Variants in GABRG2 observed in about 807,000 individuals in gnomAD.
The protein encoded by GABRG2 is gamma-aminobutyric acid type A receptor subunit gamma2, also known as gamma-aminobutyric acid receptor subunit gamma-2.
In GABRG2, 16 loss-of-function variants were observed where a neutral mutation model predicts 56.4. The observed-to-expected ratio is 0.28, with a 90% CI of 0.19 to 0.43. GABRG2 has a LOEUF of 0.43. Among genes scored for constraint, GABRG2 ranks in the 20% least tolerant of loss-of-function variants. The pLI, the probability that GABRG2 is intolerant of heterozygous loss-of-function variation, is 1.00. For synonymous variants in GABRG2, 208 were observed against 205.5 expected (o/e 1.01, Z -0.10); for missense variants, 327 against 582.7 (o/e 0.56, Z 4.52).
At chr5:162,118,367 G>A (rs1399806781) in intron 6 of GABRG2, among the ~76,000 whole-genome samples, 1 of 152,014 alleles carries the variant, frequency 6.6e-6, no homozygotes, top group Admixed American at 6.6e-5. Context: ...AACCTAATAT[G>A]TCTAGTTTTC....
intron 6 of GABRG2, among the ~76,000 whole-genome samples, chr5:162,136,173 A>T: frequency 6.6e-6 from 1 of 152,166 alleles, no homozygotes; most frequent in East Asian, 1.9e-4. Context: ...ACTGGGCCAG[A>T]ATCACACGTT....
At chr5:162,075,773 GAACA>G (rs1434633630) in intron 1 of GABRG2, among the ~76,000 whole-genome samples, 5 of 152,026 alleles carry the variant, frequency 3.3e-5, no homozygotes, top group Non-Finnish European at 5.9e-5. Flanking sequence ...AAAAGAAAAT[GAACA>G]AACAAACCGT....
intron 6 of GABRG2, among the ~76,000 whole-genome samples, chr5:162,108,445 A>G (rs866310524): frequency 1.1e-4 from 16 of 152,278 alleles, no homozygotes; most frequent in Middle Eastern, 6.8e-3. Flanking sequence ...TTGAATCTCA[A>G]TCTCTTTCTG....
At chr5:162,123,012 A>G (rs1425857311) in intron 6 of GABRG2, among the ~76,000 whole-genome samples, 1 of 151,750 alleles carries the variant, frequency 6.6e-6, no homozygotes, top group Non-Finnish European at 1.5e-5. Flanking sequence ...TATATCTGGG[A>G]GTAGCTTCTG....
Position 162,097,870 on chromosome 5 carries a change from C to T in GABRG2, c.548+12C>T. Reference sequence around the variant, plus strand: ...CTCTACACCCTAAGGTATTCTTTTGCAAAAGGAAAGGAGTAATTGTTAGGA... The same window carrying T: ...CTCTACACCCTAAGGTATTCTTTTGTAAAAGGAAAGGAGTAATTGTTAGGA... On this transcript the variant is annotated intron_variant, in intron 4 of 9. Coordinates refer to ENST00000639213, the MANE Select transcript of GABRG2 (RefSeq NM_198904.4). 1 of 1,598,198 alleles carries T rather than the reference C, an allele frequency of 6.3e-7. No individual in the cohort carries two copies. Among genetic ancestry groups the T allele is most frequent in the Non-Finnish European group, 8.6e-7 (1 of 1,168,440 alleles).
intron 1 of GABRG2, among the ~76,000 whole-genome samples, chr5:162,079,301 G>A (rs1043651200): frequency 6.6e-6 from 1 of 152,066 alleles, no homozygotes; most frequent in Non-Finnish European, 1.5e-5. Context: ...TTCAATTTTA[G>A]TCTCCTTTAC....
chr5:162,101,580 CTT>C (rs34875047), intron 5 of GABRG2: 1,260 of 377,672 alleles, frequency 3.3e-3, no homozygotes, highest in Middle Eastern at 5.0e-3. Context: ...TGCATAGAGC[CTT>C]TTTTTTTTTT....
chr5:162,118,880 G>A (rs1019943257), intron 6 of GABRG2, among the ~76,000 whole-genome samples: 2 of 152,112 alleles, frequency 1.3e-5, no homozygotes, highest in African/African-American at 2.4e-5. Flanking sequence ...GCTAAATGTG[G>A]AAAGGAAAGG....
intron 6 of GABRG2, among the ~76,000 whole-genome samples, chr5:162,131,154 G>A (rs1763725888): frequency 6.6e-6 from 1 of 151,874 alleles, no homozygotes; most frequent in Admixed American, 6.6e-5. Context: ...GGAAGACAAA[G>A]GACATTATGA....
intron 6 of GABRG2, among the ~76,000 whole-genome samples, chr5:162,112,740 A>G (rs940630184): frequency 1.3e-5 from 2 of 152,158 alleles, no homozygotes; most frequent in African/African-American, 2.4e-5. Context: ...TTTGCTGGGC[A>G]TACAGATTAG....
rs771282908 is a variant in GABRG2, at chr5:162,067,984, G to GAA, written c.-5_-4dup. 2.0e-4 allele frequency: 257 copies of GAA among 1,261,312 alleles called. No homozygotes were observed. Among genetic ancestry groups the GAA allele is most frequent in the East Asian group, 6.8e-4 (25 of 36,860 alleles). The allele number at this position is 1,261,312 out of a possible 1,614,324, so 78.1% of individuals were successfully genotyped here. A position where few individuals can be genotyped will look rare whatever the true frequency, so the allele number is the denominator to read the frequency against. On this transcript the variant is annotated 5_prime_UTR_variant, in exon 1 of 10. Transcript: ENST00000639213. ...ACCAAGAGGCAAGAGGCGAGAGAAGGAAAAAAAAAAAAGCGATGAGTTCGC... is the reference window on the plus strand; with the variant it reads ...ACCAAGAGGCAAGAGGCGAGAGAAGGAAAAAAAAAAAAAAGCGATGAGTTCGC...
chr5:162,073,282 TAA>T (rs1758822825), intron 1 of GABRG2, among the ~76,000 whole-genome samples: 1 of 151,950 alleles, frequency 6.6e-6, no homozygotes, highest in Non-Finnish European at 1.5e-5. Context: ...TTTTTTAATA[TAA>T]GAGCATATTA....
intron 1 of GABRG2, among the ~76,000 whole-genome samples, chr5:162,093,586 A>C (rs1215184736): frequency 6.6e-6 from 1 of 152,170 alleles, no homozygotes; most frequent in African/African-American, 2.4e-5. Flanking sequence ...AAGTAAAAAT[A>C]ACTGGCAAAA....
At chr5:162,144,162 A>C (rs2113608956) in intron 7 of GABRG2, among the ~76,000 whole-genome samples, 1 of 152,324 alleles carries the variant, frequency 6.6e-6, no homozygotes, top group Admixed American at 6.5e-5. Flanking sequence ...TGTCATCAGA[A>C]TGTCAGTCTT....
At chr5:162,105,324 A>G (rs1236525623) in intron 6 of GABRG2, among the ~76,000 whole-genome samples, 2 of 152,140 alleles carry the variant, frequency 1.3e-5, no homozygotes, top group African/African-American at 4.8e-5. Context: ...TTATTTGGAA[A>G]AAAGAATCTG....
intron 6 of GABRG2, among the ~76,000 whole-genome samples, chr5:162,117,256 A>G: frequency 6.6e-6 from 1 of 152,218 alleles, no homozygotes; most frequent in East Asian, 1.9e-4. Flanking sequence ...ATTAATTACA[A>G]GTCCAAAATA....
chr5:162,126,945 C>A (rs1309292239), intron 6 of GABRG2, among the ~76,000 whole-genome samples: 1 of 151,960 alleles, frequency 6.6e-6, no homozygotes, highest in African/African-American at 2.4e-5. Flanking sequence ...GTTATAAGTT[C>A]ATTTAATTTC....
intron 5 of GABRG2, chr5:162,101,640 C>G: frequency 3.0e-6 from 1 of 335,676 alleles, no homozygotes; most frequent in Non-Finnish European, 5.6e-6. Context: ...AAGGTGCAAT[C>G]TTTAATTATA....
chr5:162,074,001 T>A lies in GABRG2; in HGVS notation c.107+5895T>A, dbSNP rs376219804. 4.9e-4 allele frequency among the ~76,000 whole-genome samples: 75 copies of A among 152,084 alleles called. 2 individuals are homozygous for A. The South Asian group carries it at 0.015, about 30-fold the overall frequency. On this transcript the variant is annotated intron_variant, in intron 1 of 9. Transcript: ENST00000639213. ...TATAGTCACCCCCCGGCTTTTTTTA[T>A]CTAAATGTAAGAAAATACTTTGGTT...
Sources: gnomAD v4.1 joint callset for allele counts (sites outside exome capture counted in the v4.1 genomes callset) on GRCh38, gnomAD v4.1.1 for gene constraint, MANE v1.5 for transcripts, NCBI Gene and HGNC (gene_info 2026-07-23, HGNC 2026-07-21) for gene names.